DLG1: variants seen among roughly 807,000 people sequenced by gnomAD.
DLG1 encodes disks large homolog 1.
A neutral mutation model predicts 123.4 loss-of-function variants in DLG1; 42 were observed. The observed-to-expected ratio is 0.34, with a 90% CI of 0.27 to 0.44. DLG1 has a LOEUF of 0.44. Ranked by LOEUF, DLG1 falls within the 20% of genes least tolerant of loss-of-function variation. The pLI, the probability that DLG1 is intolerant of heterozygous loss-of-function variation, is 1.00. For missense variants in DLG1, 942 were observed against 1,082.6 expected (o/e 0.87, Z 1.82); for synonymous variants, 317 against 356.2 (o/e 0.89, Z 1.24).
At chr3:197,107,903 A>G (rs1767534574) in intron 13 of DLG1, among the ~76,000 whole-genome samples, 2 of 151,784 alleles carry the variant, frequency 1.3e-5, no homozygotes. Context: ...CTGATTTTAG[A>G]GGGAAAGCTT....
intron 16 of DLG1, among the ~76,000 whole-genome samples, chr3:197,082,350 A>G (rs1357608032): frequency 6.6e-6 from 1 of 152,100 alleles, no homozygotes; most frequent in Middle Eastern, 3.2e-3. Flanking sequence ...ATCCTGGGTG[A>G]AAGAGCAAGA....
At chr3:197,202,397 C>G (rs982916590) in intron 4 of DLG1, among the ~76,000 whole-genome samples, 3 of 152,126 alleles carry the variant, frequency 2.0e-5, no homozygotes, top group Non-Finnish European at 4.4e-5. Context: ...CAAACTGAAT[C>G]CAACACTATG....
chr3:197,107,668 C>T (rs1376279087), intron 13 of DLG1, among the ~76,000 whole-genome samples: 1 of 151,528 alleles, frequency 6.6e-6, no homozygotes, highest in African/African-American at 2.4e-5. Context: ...TCAATGTTTT[C>T]TTTGTCTATC....
At chr3:197,060,342 A>G (rs1734932522) in intron 22 of DLG1, among the ~76,000 whole-genome samples, 1 of 152,098 alleles carries the variant, frequency 6.6e-6, no homozygotes, top group Admixed American at 6.5e-5. Flanking sequence ...TCTGTTGACC[A>G]GGCTGGTCTT....
intron 22 of DLG1, among the ~76,000 whole-genome samples, chr3:197,061,707 T>C (rs1735956372): frequency 6.6e-6 from 1 of 152,302 alleles, no homozygotes; most frequent in East Asian, 1.9e-4. Flanking sequence ...AGGTTACACA[T>C]TTTTGGCAGG....
intron 3 of DLG1, among the ~76,000 whole-genome samples, chr3:197,294,915 A>G (rs1166086022): frequency 3.9e-5 from 6 of 152,116 alleles, no homozygotes; most frequent in Admixed American, 1.3e-4. Context: ...ATATATGTAT[A>G]TATATATCTC....
intron 5 of DLG1, among the ~76,000 whole-genome samples, chr3:197,168,802 G>C (rs557080194): frequency 2.0e-5 from 3 of 152,036 alleles, no homozygotes; most frequent in Non-Finnish European, 2.9e-5. Flanking sequence ...GACTAGCAAC[G>C]GTCTCAGTTG....
chr3:197,133,159 T>C (rs1425984936), intron 10 of DLG1, among the ~76,000 whole-genome samples: 2 of 152,260 alleles, frequency 1.3e-5, no homozygotes, highest in African/African-American at 4.8e-5. Flanking sequence ...TAACTAGCTT[T>C]AGCCAATGAG....
intron 11 of DLG1, among the ~76,000 whole-genome samples, chr3:197,129,816 A>C (rs1781592322): frequency 1.3e-5 from 2 of 152,196 alleles, no homozygotes; most frequent in Non-Finnish European, 1.5e-5. Flanking sequence ...ATGACTAGTC[A>C]TCAGAGGAGC....
chr3:197,253,464 CAGCTACTCTGGAA>C (rs1755405122), intron 4 of DLG1, among the ~76,000 whole-genome samples: 2 of 152,258 alleles, frequency 1.3e-5, no homozygotes, highest in South Asian at 4.1e-4. Context: ...TAAAATCATA[CAGCTACTCTGGAA>C]AGCGGTTTAG....
At chr3:197,156,105 T>C (rs2149822418) in intron 5 of DLG1, among the ~76,000 whole-genome samples, 1 of 152,338 alleles carries the variant, frequency 6.6e-6, no homozygotes, top group South Asian at 2.1e-4. Flanking sequence ...CATTAAAAAT[T>C]ACTAGTTTCT....
chr3:197,284,288 C>T (rs574780097), intron 3 of DLG1, among the ~76,000 whole-genome samples: 1 of 152,258 alleles, frequency 6.6e-6, no homozygotes, highest in Admixed American at 6.5e-5. Flanking sequence ...TATATACACA[C>T]ATACGCACAC....
chr3:197,272,831 A>C (rs151328073), intron 4 of DLG1, among the ~76,000 whole-genome samples: 1 of 152,346 alleles, frequency 6.6e-6, no homozygotes, highest in East Asian at 1.9e-4. Flanking sequence ...TCTGAGGAAG[A>C]GGGGATAGGT....
At chr3:197,045,374 GCAAA>G (rs542372599) in intron 24 of DLG1, among the ~76,000 whole-genome samples, 39 of 152,226 alleles carry the variant, frequency 2.6e-4, no homozygotes, top group African/African-American at 8.2e-4. Context: ...AGTTAATAAA[GCAAA>G]CAAACAAACA....
intron 5 of DLG1, among the ~76,000 whole-genome samples, chr3:197,179,976 T>C (rs1482181071): frequency 6.6e-6 from 1 of 150,694 alleles, no homozygotes; most frequent in East Asian, 2.0e-4. Flanking sequence ...TTATTCTATT[T>C]CAATTCTGAC....
intron 14 of DLG1, among the ~76,000 whole-genome samples, chr3:197,091,315 G>C (rs1224378175): frequency 6.6e-6 from 1 of 151,942 alleles, no homozygotes; most frequent in Non-Finnish European, 1.5e-5. Context: ...TCAGACAGCA[G>C]TAATCTTATA....
intron 20 of DLG1, 88 bp downstream of exon 20, chr3:197,066,616 C>T: frequency 4.0e-6 from 4 of 995,386 alleles, no homozygotes; most frequent in Non-Finnish European, 6.0e-6. Context: ...TTTAATACAA[C>T]ATTTTTTGGG....
chr3:197,136,464 T>A, intron 10 of DLG1, 78 bp downstream of exon 10: 2 of 1,209,216 alleles, frequency 1.7e-6, no homozygotes, highest in Non-Finnish European at 2.3e-6. Flanking sequence ...CTTTTTGGTA[T>A]GGAGAAATTC....
At chr3:197,289,285 T>C (rs1195359489) in intron 3 of DLG1, among the ~76,000 whole-genome samples, 1 of 152,202 alleles carries the variant, frequency 6.6e-6, no homozygotes, top group Non-Finnish European at 1.5e-5. Flanking sequence ...ATAACTGTTT[T>C]ACTTAGAAGT....
Sources: allele counts gnomAD v4.1 joint callset (sites outside exome capture counted in the v4.1 genomes callset), GRCh38; gene constraint gnomAD v4.1.1; transcripts MANE v1.5; gene names NCBI Gene and HGNC (gene_info 2026-07-23, HGNC 2026-07-21).